The following ZNHIT2 variants were observed in gnomAD, a reference collection of about 807,000 sequenced individuals.
ZNHIT2 encodes zinc finger HIT domain-containing protein 2.
In ZNHIT2, 16 loss-of-function variants were observed where a neutral mutation model predicts 18.0. That is an observed-to-expected ratio of 0.89 (90% CI 0.60 to 1.35). The LOEUF is 1.35. Ranked by LOEUF, ZNHIT2 falls within the 40% of genes most tolerant of loss-of-function variation. The pLI, the probability that ZNHIT2 is intolerant of heterozygous loss-of-function variation, is 0.00. For missense variants in ZNHIT2, 631 were observed against 566.4 expected, an observed-to-expected ratio of 1.11 and a Z score of -1.16; for synonymous variants, 336 against 269.8, an observed-to-expected ratio of 1.25 and a Z score of -2.41.
At position 65,116,501 on chromosome 11, in the gene ZNHIT2, G is replaced by A. The variant is rs574434476; in HGVS notation, c.1153C>T (p.Leu385Phe). Residue 385 changes from leucine (L) to phenylalanine (F), a missense_variant, in exon 1 of 1, where the codon CTT becomes TTT. By Grantham distance (22) the Leu-to-Phe change is conservative. Coordinates refer to ENST00000310597, the MANE Select transcript of ZNHIT2 (RefSeq NM_014205.4). ...VAALTGELER[L>F]WGGPVPPAPR... The stretch of plus-strand genomic sequence containing the variant: ...GCAGGTGGCACGGGGCCTCCCCAAA[G>A]CCGCTCCAGCTCCCCAGTGAGGGCG... 3 of 1,526,386 alleles carry A rather than the reference G, an allele frequency of 2.0e-6. No individual in the cohort carries two copies. The highest frequency in any genetic ancestry group is 1.3e-5 in the South Asian group (1 of 77,620). The allele number at this position is 1,526,386 out of a possible 1,614,324, so 94.6% of individuals were successfully genotyped here. A position where few individuals can be genotyped will look rare whatever the true frequency, so the allele number is the denominator to read the frequency against.
rs748861311 is a variant in ZNHIT2 at position 65,117,297 on chromosome 11, G to C, written c.357C>G (p.Ala119=). 3.4e-6 allele frequency: 5 copies of C among 1,486,758 alleles called. No homozygotes were observed. In the South Asian group the frequency reaches 6.8e-5, roughly 20 times the overall value. The allele number at this position is 1,486,758 out of a possible 1,614,324, so 92.1% of individuals were successfully genotyped here. A position where few individuals can be genotyped will look rare whatever the true frequency, so the allele number is the denominator to read the frequency against. The part of the protein sequence containing the change: ...AFERLLSRGE[A]GRLLPPWRPW... ...GCCGCCATGGAGGCAGCAGCCGCCC[G>C]GCCTCACCGCGGCTCAGCAGCCGCT... The change falls in exon 1 of 1, where the codon GCC becomes GCG. Residue 119 remains alanine (A), a synonymous_variant. Coordinates refer to ENST00000310597, the MANE Select transcript of ZNHIT2 (RefSeq NM_014205.4).
chr11:65,117,617 C>A lies in ZNHIT2; in HGVS notation c.37G>T (p.Gly13Trp), dbSNP rs1390867260. ...GTGTAACGCGCTGGCTGGACCTCCC[C>A]CGCCGGGCAGAAGCCACAGGGCCCG... ...PAGPCGFCPA[G>W]EVQPARYTCP... Residue 13 changes from glycine to tryptophan, a missense_variant, in exon 1 of 1, where the codon GGG becomes TGG. Physicochemically the swap from Gly to Trp is radical, Grantham distance 184. Coordinates refer to ENST00000310597, the MANE Select transcript of ZNHIT2 (RefSeq NM_014205.4). 2.7e-6 allele frequency: 4 copies of A among 1,496,136 alleles called. No individual in the cohort carries two copies. The highest frequency in any genetic ancestry group is 2.3e-5 in the Admixed American group (1 of 43,916). The allele number at this position is 1,496,136 out of a possible 1,614,324, so 92.7% of individuals were successfully genotyped here. A position where few individuals can be genotyped will look rare whatever the true frequency, so the allele number is the denominator to read the frequency against.
In ZNHIT2 at chr11:65,116,660, G is replaced by A; in HGVS notation, c.994C>T (p.His332Tyr). ...CACTTTTTCCGGGCCCGGTAAAGAT[G>A]ATCTCGCTCTTCTCTAGCCACGGCC... ...KQAVAREERD[H>Y]LYRARKKCQF... The change falls in exon 1 of 1, where the codon CAT becomes TAT. Residue 332 changes from histidine (H) to tyrosine (Y), a missense_variant. Coordinates refer to ENST00000310597, the MANE Select transcript of ZNHIT2 (RefSeq NM_014205.4). 6.2e-7 allele frequency: 1 copy of A among 1,614,092 alleles called. No individual in the cohort carries two copies. The highest frequency in any genetic ancestry group is 8.5e-7 in the Non-Finnish European group (1 of 1,180,010).
rs1290208184 is a variant in ZNHIT2, at chr11:65,116,973, G to A, written c.681C>T (p.Ala227=). The A allele has an allele frequency of 1.9e-6, 3 of 1,602,434 alleles. No individual in the cohort carries two copies. The highest frequency in any genetic ancestry group is 2.5e-6 in the Non-Finnish European group (3 of 1,178,306). ...NVLFAYAHTL[A]LYHGGDDALL... ...GCGCGTCGTCACCGCCGTGATACAGGGCGAGAGTATGCGCGTAGGCGAACA... is the reference window on the plus strand; with the variant it reads ...GCGCGTCGTCACCGCCGTGATACAGAGCGAGAGTATGCGCGTAGGCGAACA... The change falls in exon 1 of 1, where the codon GCC becomes GCT. Residue 227 remains alanine, a synonymous_variant. Transcript: ENST00000310597.
Position 65,117,297 on chromosome 11 carries a change from G to A in ZNHIT2, c.357C>T (p.Ala119=), listed in dbSNP as rs748861311. ...AFERLLSRGE[A]GRLLPPWRPW... ...GCCGCCATGGAGGCAGCAGCCGCCC[G>A]GCCTCACCGCGGCTCAGCAGCCGCT... Residue 119 remains alanine (A), a synonymous_variant, in exon 1 of 1, where the codon GCC becomes GCT. Transcript: ENST00000310597. 14 of 1,486,640 alleles carry A rather than the reference G, an allele frequency of 9.4e-6. No homozygotes were observed. The Admixed American group carries it at 2.9e-4, about 30-fold the overall frequency. The allele number at this position is 1,486,640 out of a possible 1,614,324, so 92.1% of individuals were successfully genotyped here. A position where few individuals can be genotyped will look rare whatever the true frequency, so the allele number is the denominator to read the frequency against.
chr11:65,116,692 C>T lies in ZNHIT2; in HGVS notation c.962G>A (p.Arg321Gln), dbSNP rs760344299. 4 of 1,613,898 alleles carry T rather than the reference C, an allele frequency of 2.5e-6. No homozygotes were observed. In the South Asian group the frequency reaches 3.3e-5, roughly 13 times the overall value. Residue 321 changes from arginine (R) to glutamine (Q), a missense_variant, in exon 1 of 1, where the codon CGG (arginine) becomes CAG (glutamine). By Grantham distance (43) the Arg-to-Gln change is conservative (BLOSUM62 1). Coordinates refer to ENST00000310597, the MANE Select transcript of ZNHIT2 (RefSeq NM_014205.4). ...CTCTTCTCTAGCCACGGCCTGTTTCCGGGCACGGCCCAGGGTCTGTGCCAG... is the reference window on the plus strand; with the variant it reads ...CTCTTCTCTAGCCACGGCCTGTTTCTGGGCACGGCCCAGGGTCTGTGCCAG... ...GDLAQTLGRA[R>Q]KQAVAREERD... is the part of the protein sequence containing the mutation.
rs969037740 is a variant in ZNHIT2, at chr11:65,116,737, G to A, written c.917C>T (p.Thr306Met). ...GEGPTNQKGYTLAALGDLAQT... is the reference protein window; with the variant it reads ...GEGPTNQKGYMLAALGDLAQT... ...TGCCAGGTCCCCCAGTGCTGCCAGC[G>A]TGTAGCCTTTCTGGTTGGTCGGGCC... Residue 306 changes from threonine to methionine, a missense_variant, in exon 1 of 1, where the codon ACG becomes ATG. By Grantham distance (81) the Thr-to-Met change is moderately conservative. Transcript: ENST00000310597. 1 of 1,612,052 alleles carries A rather than the reference G, an allele frequency of 6.2e-7. No homozygotes were observed. The highest frequency in any genetic ancestry group is 8.5e-7 in the Non-Finnish European group (1 of 1,178,686).
rs1007757155 is a variant in ZNHIT2 at position 65,116,698 on chromosome 11, C to T, written c.956G>A (p.Arg319His). Reference protein sequence around the residue: ...ALGDLAQTLGRARKQAVAREE... With the variant: ...ALGDLAQTLGHARKQAVAREE... ...TCTAGCCACGGCCTGTTTCCGGGCACGGCCCAGGGTCTGTGCCAGGTCCCC... is the reference window on the plus strand; with the variant it reads ...TCTAGCCACGGCCTGTTTCCGGGCATGGCCCAGGGTCTGTGCCAGGTCCCC... The change falls in exon 1 of 1, where the codon CGT becomes CAT. Residue 319 changes from arginine to histidine, a missense_variant. Coordinates refer to ENST00000310597, the MANE Select transcript of ZNHIT2 (RefSeq NM_014205.4). 13 of 1,613,714 alleles carry T rather than the reference C, an allele frequency of 8.1e-6. No individual in the cohort carries two copies. The African/African-American group carries it at 1.2e-4, about 15-fold the overall frequency.
rs764535767 is a variant in ZNHIT2 at position 65,117,126 on chromosome 11, G to A, written c.528C>T (p.Ala176=). 10 of 1,582,514 alleles carry A rather than the reference G, an allele frequency of 6.3e-6. No homozygotes were observed. Among genetic ancestry groups the A allele is most frequent in the African/African-American group, 1.3e-5 (1 of 74,222 alleles). Residue 176 remains alanine, a synonymous_variant, in exon 1 of 1, where the codon GCC becomes GCT. Coordinates refer to ENST00000310597, the MANE Select transcript of ZNHIT2 (RefSeq NM_014205.4). ...VKDASAAEPA[A]AERVLGDVPG... ...GGACATCTCCAAGAACCCGCTCGGC[G>A]GCCGCGGGCTCCGCGGCGGAGGCAT...
rs760098512 is a variant in ZNHIT2 at position 65,116,662 on chromosome 11, T to G, written c.992A>C (p.Asp331Ala). The change falls in exon 1 of 1, where the codon GAT (aspartate) becomes GCT (alanine). Residue 331 changes from aspartate (D) to alanine (A), a missense_variant. Transcript: ENST00000310597. ...CTTTTTCCGGGCCCGGTAAAGATGA[T>G]CTCGCTCTTCTCTAGCCACGGCCTG... ...RKQAVAREER[D>A]HLYRARKKCQ... 1.7e-5 allele frequency: 28 copies of G among 1,613,936 alleles called. No homozygotes were observed. The highest frequency in any genetic ancestry group is 5.0e-5 in the Admixed American group (3 of 60,014).
rs1404986067 is a variant in ZNHIT2, at chr11:65,117,098, C to T, written c.556G>A (p.Gly186Arg). Reference protein sequence around the residue: ...AAERVLGDVPGACTPVVPTRI... With the variant: ...AAERVLGDVPRACTPVVPTRI... The stretch of plus-strand genomic sequence containing the variant: ...GTGGGTACGACGGGCGTGCAGGCCC[C>T]CGGGACATCTCCAAGAACCCGCTCG... The change falls in exon 1 of 1, where the codon GGG becomes AGG. Residue 186 changes from glycine to arginine, a missense_variant. Coordinates refer to ENST00000310597, the MANE Select transcript of ZNHIT2 (RefSeq NM_014205.4). The T allele has an allele frequency of 3.8e-6, 6 of 1,591,632 alleles. No homozygotes were observed. The highest frequency in any genetic ancestry group is 5.1e-6 in the Non-Finnish European group (6 of 1,172,000).
chr11:65,116,807 T>A lies in ZNHIT2; in HGVS notation c.847A>T (p.Thr283Ser). ...GCGACCTCGTGCATAGCCCCTCGTG[T>A]GCCCAGGGGCCCCGGCGGGTGCTCG... ...AGEHPPGPLG[T>S]RGAMHEVARI... Residue 283 changes from threonine (T) to serine (S), a missense_variant, in exon 1 of 1, where the codon ACA (threonine) becomes TCA (serine). Transcript: ENST00000310597. 5.0e-6 allele frequency: 8 copies of A among 1,609,504 alleles called. No individual in the cohort carries two copies. The highest frequency in any genetic ancestry group is 6.8e-6 in the Non-Finnish European group (8 of 1,177,730).
chr11:65,117,624 G>T lies in ZNHIT2; in HGVS notation c.30C>A (p.Cys10Ter). The T allele has an allele frequency of 6.7e-7, 1 of 1,488,348 alleles. No individual in the cohort carries two copies. The highest frequency in any genetic ancestry group is 8.9e-7 in the Non-Finnish European group (1 of 1,123,232). 92.2% of individuals were successfully genotyped at this position (1,488,348 alleles called of 1,614,324 possible). Residue 10 changes from cysteine to a stop codon, truncating the protein, a stop_gained, in exon 1 of 1, where the codon TGC becomes TGA. Coordinates refer to ENST00000310597, the MANE Select transcript of ZNHIT2 (RefSeq NM_014205.4). LOFTEE classifies it high-confidence loss of function. MEPAGPCGF[C>*]PAGEVQPARY... The stretch of plus-strand genomic sequence containing the variant: ...GCGCTGGCTGGACCTCCCCCGCCGG[G>T]CAGAAGCCACAGGGCCCGGCCGGCT...
Position 65,117,676 on chromosome 11 carries a change from C to G in ZNHIT2, c.-23G>C. The G allele has an allele frequency of 2.2e-6, 3 of 1,361,776 alleles. No homozygotes were observed. Among genetic ancestry groups the G allele is most frequent in the Non-Finnish European group, 2.8e-6 (3 of 1,059,296 alleles). The allele number at this position is 1,361,776 out of a possible 1,614,324, so 84.4% of individuals were successfully genotyped here. On this transcript the variant is annotated 5_prime_UTR_variant, in exon 1 of 1. Coordinates refer to ENST00000310597, the MANE Select transcript of ZNHIT2 (RefSeq NM_014205.4). ...CATGGCAACTGGCACCGCGATCTACCTGCGAACGCACGCCGGTGGTAGTTC... is the reference window on the plus strand; with the variant it reads ...CATGGCAACTGGCACCGCGATCTACGTGCGAACGCACGCCGGTGGTAGTTC...
In ZNHIT2 at chr11:65,116,518, G is replaced by C. The variant is rs1947987642; in HGVS notation, c.1136C>G (p.Thr379Ser). 6.5e-7 allele frequency: 1 copy of C among 1,534,544 alleles called. No homozygotes were observed. Among genetic ancestry groups the C allele is most frequent in the African/African-American group, 1.4e-5 (1 of 72,712 alleles). Reference sequence around the variant, plus strand: ...TCCCCAAAGCCGCTCCAGCTCCCCAGTGAGGGCGGCCACCTCCTCGGCTAC... The same window carrying C: ...TCCCCAAAGCCGCTCCAGCTCCCCACTGAGGGCGGCCACCTCCTCGGCTAC... ...AVVAEEVAAL[T>S]GELERLWGGP... Residue 379 changes from threonine to serine, a missense_variant, in exon 1 of 1, where the codon ACT becomes AGT. By Grantham distance (58) the Thr-to-Ser change is moderately conservative (BLOSUM62 1). Coordinates refer to ENST00000310597, the MANE Select transcript of ZNHIT2 (RefSeq NM_014205.4).
chr11:65,117,346 G>A lies in ZNHIT2; in HGVS notation c.308C>T (p.Ala103Val). Reference protein sequence around the residue: ...GGLSGLWERLAPGEKAAFERL... With the variant: ...GGLSGLWERLVPGEKAAFERL... ...CTCGAAGGCAGCTTTTTCGCCCGGC[G>A]CCAGCCGCTCCCAGAGTCCCGATAG... The change falls in exon 1 of 1, where the codon GCG becomes GTG. Residue 103 changes from alanine to valine, a missense_variant. Ala to Val is a moderately conservative substitution (Grantham distance 64). Transcript: ENST00000310597. 2 of 1,499,556 alleles carry A rather than the reference G, an allele frequency of 1.3e-6. No homozygotes were observed. The highest frequency in any genetic ancestry group is 1.8e-6 in the Non-Finnish European group (2 of 1,135,748). The allele number at this position is 1,499,556 out of a possible 1,614,324, so 92.9% of individuals were successfully genotyped here.
In ZNHIT2 at chr11:65,117,049, A is replaced by C; in HGVS notation, c.605T>G (p.Leu202Arg). ...VPTRIPAIVS[L>R]SRGPVSPLVR... The stretch of plus-strand genomic sequence containing the variant: ...GAGCGGCGAGACTGGGCCGCGGCTC[A>C]GGCTGACTATCGCGGGGATGCGGGT... Residue 202 changes from leucine (L) to arginine (R), a missense_variant, in exon 1 of 1, where the codon CTG becomes CGG. Coordinates refer to ENST00000310597, the MANE Select transcript of ZNHIT2 (RefSeq NM_014205.4). The C allele has an allele frequency of 1.3e-6, 2 of 1,595,060 alleles. No homozygotes were observed. Among genetic ancestry groups the C allele is most frequent in the South Asian group, 2.2e-5 (2 of 89,262 alleles).
Position 65,117,532 on chromosome 11 carries a change from C to T in ZNHIT2, c.122G>A (p.Cys41Tyr). Residue 41 changes from cysteine (C) to tyrosine (Y), a missense_variant, in exon 1 of 1, where the codon TGC becomes TAC. Coordinates refer to ENST00000310597, the MANE Select transcript of ZNHIT2 (RefSeq NM_014205.4). ...CTGGTCACGGTAGAAGTTTTCTGCG[C>T]AGGTGCCATGCGTCCGGTAGCAGCG... ...SLRCYRTHGT[C>Y]AENFYRDQVL... The T allele has an allele frequency of 6.3e-7, 1 of 1,591,876 alleles. No individual in the cohort carries two copies. The highest frequency in any genetic ancestry group is 8.5e-7 in the Non-Finnish European group (1 of 1,176,386).
In ZNHIT2 at chr11:65,116,683, G is replaced by A. The variant is rs1265761946; in HGVS notation, c.971C>T (p.Ala324Val). The A allele has an allele frequency of 6.2e-7, 1 of 1,613,944 alleles. No homozygotes were observed. Among genetic ancestry groups the A allele is most frequent in the African/African-American group, 1.3e-5 (1 of 75,082 alleles). Residue 324 changes from alanine (A) to valine (V), a missense_variant, in exon 1 of 1, where the codon GCC becomes GTC. By Grantham distance (64) the Ala-to-Val change is moderately conservative (BLOSUM62 0). Transcript: ENST00000310597. ...AQTLGRARKQ[A>V]VAREERDHLY... Reference sequence around the variant, plus strand: ...ATGATCTCGCTCTTCTCTAGCCACGGCCTGTTTCCGGGCACGGCCCAGGGT... The same window carrying A: ...ATGATCTCGCTCTTCTCTAGCCACGACCTGTTTCCGGGCACGGCCCAGGGT...
Sources: allele counts gnomAD v4.1 joint callset, GRCh38; gene constraint gnomAD v4.1.1; transcripts MANE v1.5; gene names NCBI Gene and HGNC (gene_info 2026-07-23, HGNC 2026-07-21).